Variants in QTMAN observed in about 807,000 individuals in gnomAD.
The protein encoded by QTMAN is queuosine-tRNA mannosyltransferase.
chr2:144,083,177 G>C, the QTMAN span, among the ~76,000 whole-genome samples: 1 of 152,224 alleles, frequency 6.6e-6, no homozygotes, highest in African/African-American at 2.4e-5. Flanking sequence ...GTGGTCTGCG[G>C]ACATGGACCC....
chr2:143,945,357 G>A, the QTMAN span: 1 of 152,230 alleles, frequency 6.6e-6, no homozygotes, highest in African/African-American at 2.4e-5. Context: ...CTAGAAGCCA[G>A]TGCTGTGGTG....
the QTMAN span, among the ~76,000 whole-genome samples, chr2:144,109,456 T>C: frequency 6.6e-6 from 1 of 152,068 alleles, no homozygotes; most frequent in Non-Finnish European, 1.5e-5. Flanking sequence ...GAAGAAAACC[T>C]AGGCAATACC....
At chr2:144,111,614 T>G in the QTMAN span, among the ~76,000 whole-genome samples, 1 of 152,162 alleles carries the variant, frequency 6.6e-6, no homozygotes, top group Non-Finnish European at 1.5e-5. Context: ...CCTGATCAGA[T>G]GTGAGTTCCC....
chr2:144,289,398 C>G, the QTMAN span, among the ~76,000 whole-genome samples: 1 of 152,216 alleles, frequency 6.6e-6, no homozygotes, highest in African/African-American at 2.4e-5. Flanking sequence ...CCCTATGAAA[C>G]TCATCTAGAA....
the QTMAN span, among the ~76,000 whole-genome samples, chr2:144,198,488 G>A: frequency 6.6e-6 from 1 of 152,136 alleles, no homozygotes; most frequent in South Asian, 2.1e-4. Context: ...TAAGCTGGTG[G>A]AATATAAGCT....
At chr2:143,981,619 T>C in the QTMAN span, among the ~76,000 whole-genome samples, 2 of 152,190 alleles carry the variant, frequency 1.3e-5, no homozygotes, top group Non-Finnish European at 2.9e-5. Context: ...TGACATTCTG[T>C]TTATGTTTTA....
the QTMAN span, among the ~76,000 whole-genome samples, chr2:144,322,257 T>C: frequency 1.2e-4 from 19 of 152,224 alleles, no homozygotes; most frequent in Admixed American, 4.6e-4. Context: ...CTTTGTGTTC[T>C]TAAAAATTAG....
chr2:144,198,204 C>T, the QTMAN span, among the ~76,000 whole-genome samples: 4 of 151,288 alleles, frequency 2.6e-5, no homozygotes, highest in African/African-American at 9.7e-5. Context: ...TCCAATAGAG[C>T]AAGACTTTGT....
chr2:144,256,911 G>C, the QTMAN span, among the ~76,000 whole-genome samples: 2 of 151,928 alleles, frequency 1.3e-5, no homozygotes, highest in Non-Finnish European at 2.9e-5. Context: ...TTGCCAAGTT[G>C]TAAATACACT....
the QTMAN span, among the ~76,000 whole-genome samples, chr2:144,147,125 C>T: frequency 2.0e-5 from 3 of 151,828 alleles, no homozygotes; most frequent in South Asian, 6.2e-4. Context: ...AGAAGGATTA[C>T]ATAATAAGTG....
chr2:144,270,316 A>G, the QTMAN span, among the ~76,000 whole-genome samples: 4 of 152,196 alleles, frequency 2.6e-5, no homozygotes, highest in African/African-American at 9.7e-5. Context: ...TATATACCCA[A>G]TGGATTTGAA....
chr2:144,138,312 A>C, the QTMAN span, among the ~76,000 whole-genome samples: 1 of 152,096 alleles, frequency 6.6e-6, no homozygotes, highest in African/African-American at 2.4e-5. Context: ...TTAACTCAGA[A>C]CAGGAGGAAG....
At chr2:144,174,672 C>G in the QTMAN span, among the ~76,000 whole-genome samples, 1 of 152,240 alleles carries the variant, frequency 6.6e-6, no homozygotes, top group Non-Finnish European at 1.5e-5. Context: ...CCATGCTATT[C>G]TCATGACAGT....
the QTMAN span, among the ~76,000 whole-genome samples, chr2:144,222,795 G>A: frequency 2.5e-4 from 38 of 152,150 alleles, no homozygotes; most frequent in Admixed American, 3.9e-4. Flanking sequence ...GCGACAGAGC[G>A]AGACTCTGTC....
the QTMAN span, among the ~76,000 whole-genome samples, chr2:143,970,395 A>G: frequency 3.3e-5 from 5 of 152,238 alleles, no homozygotes; most frequent in African/African-American, 9.6e-5. Flanking sequence ...GCCTAAAGCA[A>G]TATATTTTAT....
chr2:144,163,632 G>T, the QTMAN span, among the ~76,000 whole-genome samples: 3 of 152,174 alleles, frequency 2.0e-5, no homozygotes, highest in Non-Finnish European at 4.4e-5. Flanking sequence ...AATCATTGTG[G>T]TGTGCGTGCA....
chr2:144,259,403 C>G, the QTMAN span, among the ~76,000 whole-genome samples: 1 of 152,284 alleles, frequency 6.6e-6, no homozygotes, highest in East Asian at 1.9e-4. Context: ...AAGTGATCCA[C>G]CCACCTCAGC....
At chr2:144,257,117 T>C in the QTMAN span, among the ~76,000 whole-genome samples, 1 of 130,734 alleles carries the variant, frequency 7.6e-6, no homozygotes, top group African/African-American at 2.8e-5. Context: ...ACAAAAGTAA[T>C]GAGCACTTCA....
chr2:144,302,603 T>C, the QTMAN span, among the ~76,000 whole-genome samples: 2 of 152,196 alleles, frequency 1.3e-5, no homozygotes, highest in Non-Finnish European at 2.9e-5. Flanking sequence ...TTAAAGGCTG[T>C]TTCAGTCAAT....
Sources: allele counts gnomAD v4.1 joint callset (sites outside exome capture counted in the v4.1 genomes callset), GRCh38; gene constraint gnomAD v4.1.1; transcripts MANE v1.5; gene names NCBI Gene and HGNC (gene_info 2026-07-23, HGNC 2026-07-21).